The following SLCO6A1 variants were observed in gnomAD, a reference collection of about 807,000 sequenced individuals.
SLCO6A1 encodes the protein solute carrier organic anion transporter family member 6A1, also known as cancer/testis antigen 48.
Under a neutral mutation model 72.7 loss-of-function variants are expected in SLCO6A1, and 65 were observed. The ratio of observed to expected loss-of-function variants is 0.89; its 90% CI spans 0.73 to 1.10. SLCO6A1 has a LOEUF of 1.10. SLCO6A1 is among the 50% of genes least tolerant of loss of function. The pLI is 0.00. For synonymous variants in SLCO6A1, 314 were observed against 298.2 expected (o/e 1.05, Z -0.55); for missense variants, 874 against 872.6 (o/e 1.00, Z -0.02).
chr5:102,383,714 A>G (rs180886527), intron 12 of SLCO6A1, among the ~76,000 whole-genome samples: 1 of 151,874 alleles, frequency 6.6e-6, no homozygotes, highest in East Asian at 1.9e-4. Context: ...GTCTCATAAA[A>G]TGAGTTTAGA....
chr5:102,481,031 TA>T (rs1216335325), intron 1 of SLCO6A1, among the ~76,000 whole-genome samples: 1 of 152,132 alleles, frequency 6.6e-6, no homozygotes, highest in African/African-American at 2.4e-5. Context: ...AACATCCAAC[TA>T]GGAAAAAAGT....
At chr5:102,430,949 T>C (rs1749183544) in intron 7 of SLCO6A1, among the ~76,000 whole-genome samples, 1 of 152,048 alleles carries the variant, frequency 6.6e-6, no homozygotes. Context: ...TTGTAGGCTA[T>C]TTATTGCTAT....
rs531023288 is a variant in SLCO6A1 at position 102,446,128 on chromosome 5, T to C, written c.1132-7367A>G. Among the ~76,000 whole-genome samples, 22 of 152,330 alleles carry C rather than the reference T, an allele frequency of 1.4e-4. No homozygotes were observed. In the East Asian group the frequency reaches 4.0e-3, roughly 28 times the overall value. On this transcript the variant is annotated intron_variant, in intron 6 of 13. Coordinates refer to ENST00000506729, the MANE Select transcript of SLCO6A1 (RefSeq NM_173488.5). Reference sequence around the variant, plus strand: ...GTGAAAAATGTCATTGGTAGTTCATTAGGATAGTATTAAATCTGTAAATAG... The same window carrying C: ...GTGAAAAATGTCATTGGTAGTTCATCAGGATAGTATTAAATCTGTAAATAG...
chr5:102,408,445 T>G (rs912852025), intron 9 of SLCO6A1, among the ~76,000 whole-genome samples: 1 of 152,110 alleles, frequency 6.6e-6, no homozygotes, highest in African/African-American at 2.4e-5. Flanking sequence ...ATCCACAGAC[T>G]GAAGATACTC....
chr5:102,423,513 T>C (rs1047573036), intron 7 of SLCO6A1, among the ~76,000 whole-genome samples: 1 of 151,706 alleles, frequency 6.6e-6, no homozygotes, highest in African/African-American at 2.4e-5. Flanking sequence ...CCAACAAAGA[T>C]CAAAAAAGCC....
chr5:102,373,145 A>G (rs936630289), intron 13 of SLCO6A1, among the ~76,000 whole-genome samples, 192 bp downstream of exon 13: 3 of 152,038 alleles, frequency 2.0e-5, no homozygotes, highest in East Asian at 3.9e-4. Flanking sequence ...TTTCATTGAA[A>G]GTATTAAATG....
intron 12 of SLCO6A1, among the ~76,000 whole-genome samples, chr5:102,383,094 G>GTTT: frequency 7.1e-6 from 1 of 140,818 alleles, no homozygotes; most frequent in Admixed American, 7.0e-5. Context: ...ATATGTGTGT[G>GTTT]AATATATATA....
chr5:102,411,649 C>CCTTAG lies in SLCO6A1; in HGVS notation c.1626+1340_1626+1341insCTAAG, dbSNP rs747525932. Among the ~76,000 whole-genome samples the CCTTAG allele has an allele frequency of 8.1e-3, 1,230 of 151,792 alleles. 11 individuals are homozygous for CCTTAG. The highest frequency in any genetic ancestry group is 0.015 in the Non-Finnish European group (1,005 of 67,960). ...CTCCTATCTAAGGGATCTGGGGACT[C>CCTTAG]ATGCCCTTCAAACCATAAATTCTCA... On this transcript the variant is annotated intron_variant, in intron 9 of 13. Coordinates refer to ENST00000506729, the MANE Select transcript of SLCO6A1 (RefSeq NM_173488.5).
chr5:102,480,313 T>C lies in SLCO6A1; in HGVS notation c.480A>G (p.Ile160Met). 1 of 1,613,630 alleles carries C rather than the reference T, an allele frequency of 6.2e-7. No individual in the cohort carries two copies. Among genetic ancestry groups the C allele is most frequent in the African/African-American group, 1.3e-5 (1 of 75,024 alleles). The change falls in exon 2 of 14, where the codon ATA becomes ATG. Residue 160 changes from isoleucine (I) to methionine (M), a missense_variant. By Grantham distance (10) the Ile-to-Met change is conservative. Coordinates refer to ENST00000506729, the MANE Select transcript of SLCO6A1 (RefSeq NM_173488.5). The part of the protein sequence containing the change: ...SYDISSGLVA[I>M]FIAFYGDRKK... ...TTCTGTCTCCATAGAATGCTATAAA[T>C]ATTGCTACCAGGCCAGATGAAATAT... is the stretch of plus-strand genomic sequence containing the variant.
intron 4 of SLCO6A1, among the ~76,000 whole-genome samples, chr5:102,462,685 T>G (rs776630195): frequency 6.6e-6 from 1 of 152,164 alleles, no homozygotes; most frequent in Admixed American, 6.5e-5. Flanking sequence ...GCAAGCAACA[T>G]GTAGAAGAAA....
intron 9 of SLCO6A1, among the ~76,000 whole-genome samples, chr5:102,404,306 T>C (rs1241358337): frequency 6.6e-6 from 1 of 152,124 alleles, no homozygotes; most frequent in Non-Finnish European, 1.5e-5. Flanking sequence ...CCATCCTGGC[T>C]AACATGGTGA....
chr5:102,481,273 T>TGA (rs1752179637), intron 1 of SLCO6A1, among the ~76,000 whole-genome samples: 23 of 152,250 alleles, frequency 1.5e-4, no homozygotes, highest in Admixed American at 1.5e-3. Flanking sequence ...AGTCTTCCTA[T>TGA]GACAGGGAGC....
At chr5:102,419,773 G>T in intron 8 of SLCO6A1, 53 bp downstream of exon 8, 1 of 1,369,158 alleles carries the variant, frequency 7.3e-7, no homozygotes, top group Non-Finnish European at 1.0e-6. Context: ...ATTGCCTGAG[G>T]AATATGCTGT....
At chr5:102,439,588 T>C (rs1444829531) in intron 6 of SLCO6A1, among the ~76,000 whole-genome samples, 1 of 152,176 alleles carries the variant, frequency 6.6e-6, no homozygotes, top group Non-Finnish European at 1.5e-5. Flanking sequence ...GATTCTGCCA[T>C]ATTTATTCAT....
At chr5:102,485,121 TC>T (rs1386778993) in intron 1 of SLCO6A1, among the ~76,000 whole-genome samples, 5 of 151,918 alleles carry the variant, frequency 3.3e-5, no homozygotes, top group Admixed American at 3.3e-4. Context: ...CTTGGTGGCA[TC>T]TGCCTGTAAT....
chr5:102,439,063 T>G (rs1326205085), intron 6 of SLCO6A1, among the ~76,000 whole-genome samples: 2 of 151,990 alleles, frequency 1.3e-5, no homozygotes, highest in Non-Finnish European at 2.9e-5. Flanking sequence ...TTTGTAAAGA[T>G]TAGAGAAAAA....
At chr5:102,474,005 A>G (rs1033611610) in intron 4 of SLCO6A1, among the ~76,000 whole-genome samples, 2 of 152,000 alleles carry the variant, frequency 1.3e-5, no homozygotes, top group African/African-American at 2.4e-5. Context: ...TAAAATGTTT[A>G]TACAACCCAA....
At chr5:102,403,173 A>G (rs1323134534) in intron 9 of SLCO6A1, among the ~76,000 whole-genome samples, 2 of 152,190 alleles carry the variant, frequency 1.3e-5, no homozygotes, top group African/African-American at 4.8e-5. Flanking sequence ...ATTTCTTTTT[A>G]AAATCCAACA....
intron 8 of SLCO6A1, among the ~76,000 whole-genome samples, chr5:102,416,062 GT>G (rs1357390718): frequency 6.6e-6 from 1 of 152,040 alleles, no homozygotes; most frequent in Non-Finnish European, 1.5e-5. Context: ...GATAACAGAT[GT>G]TAGAAAAGAT....
Sources: gnomAD v4.1 joint callset for allele counts (sites outside exome capture counted in the v4.1 genomes callset) on GRCh38, gnomAD v4.1.1 for gene constraint, MANE v1.5 for transcripts, NCBI Gene and HGNC (gene_info 2026-07-23, HGNC 2026-07-21) for gene names.